The following PAFAH1B2 variants were observed in gnomAD, a reference collection of about 807,000 sequenced individuals.
PAFAH1B2 encodes platelet-activating factor acetylhydrolase IB subunit alpha2.
PAFAH1B2 carries 8 observed loss-of-function variants against 28.0 expected under a neutral mutation model. The ratio of observed to expected loss-of-function variants is 0.29; its 90% CI spans 0.17 to 0.52. The LOEUF (loss-of-function observed/expected upper bound fraction) is 0.52. Among genes scored for constraint, PAFAH1B2 ranks in the 20% least tolerant of loss-of-function variants. The pLI is 0.97. For synonymous variants in PAFAH1B2, 104 were observed against 103.2 expected (o/e 1.01, Z -0.05); for missense variants, 190 against 282.6 (o/e 0.67, Z 2.35).
chr11:117,156,255 C>G (rs984614817), intron 2 of PAFAH1B2, among the ~76,000 whole-genome samples: 1 of 152,136 alleles, frequency 6.6e-6, no homozygotes, highest in Admixed American at 6.5e-5. Context: ...AAAAATGGTT[C>G]TAGTATGATG....
chr11:117,175,912 T>C, downstream of PAFAH1B2: 2 of 1,535,844 alleles, frequency 1.3e-6, no homozygotes, highest in South Asian at 2.4e-5. Context: ...TCAGATTATT[T>C]ACTGGCAAGA....
In PAFAH1B2 at chr11:117,168,318, A is replaced by G. The variant is rs1956558019; in HGVS notation, c.*619A>G. 1 of 1,064,258 alleles carries G rather than the reference A, an allele frequency of 9.4e-7. No individual in the cohort carries two copies. The highest frequency in any genetic ancestry group is 4.6e-5 in the South Asian group (1 of 21,964). The allele number at this position is 1,064,258 out of a possible 1,614,324, so 65.9% of individuals were successfully genotyped here. A position where few individuals can be genotyped will look rare whatever the true frequency, so the allele number is the denominator to read the frequency against. On this transcript the variant is annotated 3_prime_UTR_variant, in exon 6 of 6. Transcript: ENST00000527958. Reference sequence around the variant, plus strand: ...TGAAAAACAGGTTTTGCCCCAGTAGAGGGATTCTTTGGAGGGTATTATTTT... The same window carrying G: ...TGAAAAACAGGTTTTGCCCCAGTAGGGGGATTCTTTGGAGGGTATTATTTT...
At chr11:117,147,796 C>T (rs1338923246) in intron 1 of PAFAH1B2, among the ~76,000 whole-genome samples, 1 of 152,308 alleles carries the variant, frequency 6.6e-6, no homozygotes, top group East Asian at 1.9e-4. Flanking sequence ...GTATTCATAG[C>T]TATAGACAAA....
At chr11:117,175,559 T>G (rs181651601), downstream of PAFAH1B2, 73 of 1,115,160 alleles carry the variant, frequency 6.5e-5, no homozygotes, top group Admixed American at 2.9e-3. Flanking sequence ...TCTCTCCAGA[T>G]ATTGCCAGCG....
intron 1 of PAFAH1B2, among the ~76,000 whole-genome samples, chr11:117,151,118 A>G (rs769415412): frequency 6.6e-6 from 1 of 152,024 alleles, no homozygotes; most frequent in Non-Finnish European, 1.5e-5. Context: ...GATTGAAAGT[A>G]ATCTGGTTTC....
Position 117,163,851 on chromosome 11 carries a change from C to A in PAFAH1B2, c.370C>A (p.Leu124Ile). The change falls in exon 5 of 6, where the codon CTT becomes ATT. Residue 124 changes from leucine (L) to isoleucine (I), a missense_variant. Leu to Ile is a conservative substitution (Grantham distance 5, BLOSUM62 2). Transcript: ENST00000527958. ...VAGGIEAIVQLINTRQPQAKI... is the reference protein window; with the variant it reads ...VAGGIEAIVQIINTRQPQAKI... ...AGGTGGGATCGAGGCCATTGTACAA[C>A]TTATCAACACAAGGCAGCCACAGGC... is the stretch of plus-strand genomic sequence containing the variant. The A allele has an allele frequency of 6.2e-7, 1 of 1,613,958 alleles. No individual in the cohort carries two copies. Among genetic ancestry groups the A allele is most frequent in the Non-Finnish European group, 8.5e-7 (1 of 1,179,936 alleles).
downstream of PAFAH1B2, chr11:117,171,151 C>G (rs761587695): frequency 1.2e-4 from 92 of 763,296 alleles, no homozygotes; most frequent in Non-Finnish European, 1.4e-4. Flanking sequence ...TTAGATGATC[C>G]TGCTTCTTTA....
At chr11:117,155,216 A>G (rs12418349) in intron 2 of PAFAH1B2, among the ~76,000 whole-genome samples, 8,164 of 151,214 alleles carry the variant, frequency 0.054, 255 homozygotes, top group Middle Eastern at 0.1. Flanking sequence ...TAGCCTCCCA[A>G]AATGCTGGGA....
downstream of PAFAH1B2, chr11:117,171,679 T>G (rs1956654054): frequency 8.5e-6 from 13 of 1,533,634 alleles, no homozygotes; most frequent in Non-Finnish European, 1.1e-5. Context: ...AGAACAAGGG[T>G]CGGTTAACTG....
At position 117,170,413 on chromosome 11, in the gene PAFAH1B2, C is replaced by T. The variant is rs1182676266; in HGVS notation, c.*2714C>T. ...GTCTGTGGTCATATGTTGAATGTGG[C>T]AGCTTGAAGATGTACTGCCACGGGT... On this transcript the variant is annotated 3_prime_UTR_variant, in exon 6 of 6. Coordinates refer to ENST00000527958, the MANE Select transcript of PAFAH1B2 (RefSeq NM_002572.4). 4 of 1,059,052 alleles carry T rather than the reference C, an allele frequency of 3.8e-6. No individual in the cohort carries two copies. The highest frequency in any genetic ancestry group is 4.6e-6 in the Non-Finnish European group (4 of 876,350). 65.6% of individuals were successfully genotyped at this position (1,059,052 alleles called of 1,614,324 possible).
In PAFAH1B2 at chr11:117,152,483, G is replaced by T. The variant is rs150351376; in HGVS notation, c.36G>T (p.Pro12=). 1.5e-3 allele frequency: 2,436 copies of T among 1,613,576 alleles called. 15 individuals are homozygous for T. Among genetic ancestry groups the T allele is most frequent in the Non-Finnish European group, 1.3e-3 (1,527 of 1,179,504 alleles). Residue 12 remains proline (P), a synonymous_variant, in exon 2 of 6, where the codon CCG becomes CCT. Coordinates refer to ENST00000527958, the MANE Select transcript of PAFAH1B2 (RefSeq NM_002572.4). The stretch of plus-strand genomic sequence containing the variant: ...GAGACTCAAACCCAGCAGCTATTCC[G>T]CATGCAGCAGAAGATATTCAAGGAG... ...SQGDSNPAAI[P]HAAEDIQGDD...
chr11:117,154,643 A>G (rs1484014098), intron 2 of PAFAH1B2, among the ~76,000 whole-genome samples: 2 of 152,026 alleles, frequency 1.3e-5, no homozygotes, highest in African/African-American at 2.4e-5. Context: ...GTCTCACTAT[A>G]TTGCCCAGGC....
In PAFAH1B2 at chr11:117,171,010, T is replaced by G; in HGVS notation, c.*3311T>G. 2.9e-6 allele frequency: 3 copies of G among 1,040,440 alleles called. No individual in the cohort carries two copies. Among genetic ancestry groups the G allele is most frequent in the Non-Finnish European group, 3.5e-6 (3 of 863,490 alleles). 64.5% of individuals were successfully genotyped at this position (1,040,440 alleles called of 1,614,324 possible). A position where few individuals can be genotyped will look rare whatever the true frequency, so the allele number is the denominator to read the frequency against. On this transcript the variant is annotated 3_prime_UTR_variant, in exon 6 of 6. Transcript: ENST00000527958. ...ACTAGTAGAACTCATTCTGTTTTAG[T>G]GTATATTTCAATATAAATGTAAACA...
intron 2 of PAFAH1B2, among the ~76,000 whole-genome samples, chr11:117,156,377 GAC>G (rs1335957787): frequency 1.3e-5 from 2 of 152,264 alleles, no homozygotes; most frequent in Admixed American, 6.5e-5. Context: ...TTAAAACCAA[GAC>G]ACAAATTATG....
chr11:117,175,749 G>A, downstream of PAFAH1B2: 1 of 1,072,082 alleles, frequency 9.3e-7, no homozygotes, highest in Non-Finnish European at 1.3e-6. Context: ...TTTAAAACAG[G>A]CGTAGGGTCA....
intron 3 of PAFAH1B2, 85 bp downstream of exon 3, chr11:117,160,108 T>G: frequency 1.0e-6 from 1 of 962,226 alleles, no homozygotes; most frequent in East Asian, 2.4e-5. Context: ...GAGCTGAACT[T>G]ACTTATTTGT....
intron 2 of PAFAH1B2, among the ~76,000 whole-genome samples, chr11:117,156,375 A>G (rs1359308389): frequency 2.0e-5 from 3 of 152,242 alleles, no homozygotes; most frequent in African/African-American, 7.2e-5. Flanking sequence ...TGTTAAAACC[A>G]AGACACAAAT....
intron 1 of PAFAH1B2, among the ~76,000 whole-genome samples, chr11:117,147,762 T>C (rs527845483): frequency 9.8e-5 from 15 of 152,332 alleles, no homozygotes; most frequent in African/African-American, 3.4e-4. Flanking sequence ...TACTTTGCCA[T>C]TGTAGGGGAA....
chr11:117,157,883 A>G (rs1156236181), intron 2 of PAFAH1B2, among the ~76,000 whole-genome samples: 1 of 152,192 alleles, frequency 6.6e-6, no homozygotes, highest in African/African-American at 2.4e-5. Flanking sequence ...CACGCCTGTA[A>G]TCCCAGCACT....
Sources: allele counts gnomAD v4.1 joint callset (sites outside exome capture counted in the v4.1 genomes callset), GRCh38; gene constraint gnomAD v4.1.1; transcripts MANE v1.5; gene names NCBI Gene and HGNC (gene_info 2026-07-23, HGNC 2026-07-21).